ARHGEF10L: variants seen among roughly 807,000 people sequenced by gnomAD.
ARHGEF10L encodes the protein rho guanine nucleotide exchange factor 10-like protein.
In ARHGEF10L, 69 loss-of-function variants were observed where a neutral mutation model predicts 141.2. The observed-to-expected ratio is 0.49, with a 90% CI of 0.40 to 0.60. ARHGEF10L has a LOEUF of 0.60. ARHGEF10L is among the 20% of genes least tolerant of loss of function. The pLI is 0.00. For synonymous variants in ARHGEF10L, 711 were observed against 718.5 expected, an observed-to-expected ratio of 0.99 and a Z score of 0.17; for missense variants, 1,482 against 1,734.3, an observed-to-expected ratio of 0.85 and a Z score of 2.58.
chr1:17,653,522 G>A (rs559579449), intron 22 of ARHGEF10L, among the ~76,000 whole-genome samples: 6 of 152,338 alleles, frequency 3.9e-5, no homozygotes, highest in African/African-American at 7.2e-5. Flanking sequence ...CATCAGCCCA[G>A]CAGAAAGGGC....
chr1:17,647,538 T>A (rs2061673647), intron 21 of ARHGEF10L, among the ~76,000 whole-genome samples: 1 of 152,194 alleles, frequency 6.6e-6, no homozygotes, highest in Non-Finnish European at 1.5e-5. Flanking sequence ...CCCTCCTTCC[T>A]TTTATTCATT....
At chr1:17,535,332 T>C (rs139153667), upstream of ARHGEF10L, among the ~76,000 whole-genome samples, 183 of 152,258 alleles carry the variant, frequency 1.2e-3, no homozygotes, top group Middle Eastern at 3.4e-3. Flanking sequence ...TGGCTATACA[T>C]AGAGATGAAG....
intron 9 of ARHGEF10L, chr1:17,618,299 C>A: frequency 6.8e-7 from 1 of 1,481,136 alleles, no homozygotes; most frequent in Non-Finnish European, 9.0e-7. Context: ...TGAAGTGACC[C>A]TCCCTGCAGA....
chr1:17,546,800 G>A (rs1327143845), intron 1 of ARHGEF10L, among the ~76,000 whole-genome samples: 4 of 152,182 alleles, frequency 2.6e-5, no homozygotes, highest in African/African-American at 4.8e-5. Context: ...GTACCCACAC[G>A]GGCTCCCTAG....
At chr1:17,693,639 C>A (rs1234101578) in intron 27 of ARHGEF10L, among the ~76,000 whole-genome samples, 1 of 152,184 alleles carries the variant, frequency 6.6e-6, no homozygotes. Context: ...CCTCTTTGAG[C>A]CTTAACATCC....
At chr1:17,520,663 A>G in the ARHGEF10L span, among the ~76,000 whole-genome samples, 3 of 152,116 alleles carry the variant, frequency 2.0e-5, no homozygotes, top group Non-Finnish European at 4.4e-5. Flanking sequence ...GGGTGCCTCT[A>G]TGGGTGTGAC....
chr1:17,633,218 T>C (rs2060806427), intron 16 of ARHGEF10L, among the ~76,000 whole-genome samples: 1 of 152,252 alleles, frequency 6.6e-6, no homozygotes. Context: ...CCAGCTCACC[T>C]GCTCGCATCC....
At position 17,651,439 on chromosome 1, in the gene ARHGEF10L, A is replaced by G. The variant is rs185934305; in HGVS notation, c.2394+2764A>G. The stretch of plus-strand genomic sequence containing the variant: ...CAGCTTGGCCTTAGCGCATCCCTGC[A>G]GAAGGCTGGCCCTGGGTGACTTTAT... On this transcript the variant is annotated intron_variant, in intron 22 of 28. Coordinates refer to ENST00000361221, the MANE Select transcript of ARHGEF10L (RefSeq NM_018125.4). 5.9e-3 allele frequency among the ~76,000 whole-genome samples: 897 copies of G among 152,310 alleles called. 9 individuals are homozygous for G. Among genetic ancestry groups the G allele is most frequent in the African/African-American group, 0.02 (839 of 41,576 alleles).
chr1:17,640,085 G>T, intron 20 of ARHGEF10L, 117 bp from the exon 21 acceptor site: 1 of 1,497,812 alleles, frequency 6.7e-7, no homozygotes, highest in South Asian at 1.3e-5. Flanking sequence ...GGGATGCTCT[G>T]ACCAGACCTC....
At chr1:17,536,164 C>T (rs566433720), upstream of ARHGEF10L, among the ~76,000 whole-genome samples, 3 of 152,296 alleles carry the variant, frequency 2.0e-5, no homozygotes, top group East Asian at 5.8e-4. Flanking sequence ...CCTGTGCATT[C>T]ATTTGTGCTG....
intron 2 of ARHGEF10L, among the ~76,000 whole-genome samples, chr1:17,582,468 C>T (rs34984825): frequency 0.02 from 3,104 of 152,296 alleles, 50 homozygotes; most frequent in East Asian, 0.065. Flanking sequence ...ATTACCTTCC[C>T]AAATTAAATT....
intron 26 of ARHGEF10L, among the ~76,000 whole-genome samples, chr1:17,671,689 G>A (rs370514424): frequency 2.0e-5 from 3 of 152,178 alleles, no homozygotes; most frequent in East Asian, 1.9e-4. Flanking sequence ...CATTAGACCC[G>A]GGCTTCCCAT....
intron 21 of ARHGEF10L, among the ~76,000 whole-genome samples, chr1:17,648,167 C>T (rs1315107682): frequency 6.6e-6 from 1 of 152,208 alleles, no homozygotes; most frequent in Non-Finnish European, 1.5e-5. Flanking sequence ...CTCTGTTCAG[C>T]ATCTTAACAT....
intron 22 of ARHGEF10L, among the ~76,000 whole-genome samples, chr1:17,649,961 G>A (rs2061820300): frequency 6.6e-6 from 1 of 152,218 alleles, no homozygotes. Context: ...GACCACGCCA[G>A]CCTTGCAGGC....
chr1:17,662,764 G>C (rs79040802), intron 25 of ARHGEF10L, among the ~76,000 whole-genome samples: 2 of 152,114 alleles, frequency 1.3e-5, no homozygotes, highest in Non-Finnish European at 2.9e-5. Context: ...CTTCCATCAC[G>C]TACCCTGGGG....
In ARHGEF10L at chr1:17,599,357, A is replaced by G. The variant is rs537860063; in HGVS notation, c.258-2770A>G. 1.1e-3 allele frequency among the ~76,000 whole-genome samples: 171 copies of G among 152,146 alleles called. 1 individual carries two copies. Among genetic ancestry groups the G allele is most frequent in the African/African-American group, 4.0e-3 (164 of 41,518 alleles). ...AAAAAAAAAAAAAGAAAAAGAAAAA[A>G]AAAACGTGCAATTACATGTAAAGCA... On this transcript the variant is annotated intron_variant, in intron 4 of 28. Coordinates refer to ENST00000361221, the MANE Select transcript of ARHGEF10L (RefSeq NM_018125.4).
chr1:17,645,035 C>G (rs1359238284), intron 21 of ARHGEF10L, among the ~76,000 whole-genome samples: 1 of 152,134 alleles, frequency 6.6e-6, no homozygotes, highest in Non-Finnish European at 1.5e-5. Flanking sequence ...GGGGATTGTT[C>G]TGAGGGTAGC....
At chr1:17,598,889 T>G (rs2100872188) in intron 4 of ARHGEF10L, among the ~76,000 whole-genome samples, 1 of 152,200 alleles carries the variant, frequency 6.6e-6, no homozygotes. Flanking sequence ...TTCCAGGTGG[T>G]CTGGTTGAAA....
In ARHGEF10L at chr1:17,697,298, C is replaced by T; in HGVS notation, c.3758C>T (p.Ala1253Val). Residue 1253 changes from alanine to valine, a missense_variant, in exon 29 of 29, where the codon GCT becomes GTT. Physicochemically the swap from Ala to Val is moderately conservative, Grantham distance 64 (BLOSUM62 0). Transcript: ENST00000361221. This position sits in a 1 kb window ranked among gnomAD's most constrained non-coding sequence, Gnocchi z 4.8. ...GGQGYRNFGS[A>V]LGSSGRQAPC... ...CAGGGCTACCGCAACTTTGGCAGCG[C>T]TCTGGGCAGCAGTGGGAGGCAGGCC... 1 of 1,612,724 alleles carries T rather than the reference C, an allele frequency of 6.2e-7. No individual in the cohort carries two copies. The highest frequency in any genetic ancestry group is 1.3e-5 in the African/African-American group (1 of 75,082).
Sources: gnomAD v4.1 joint callset for allele counts (sites outside exome capture counted in the v4.1 genomes callset) on GRCh38, gnomAD v4.1.1 for gene constraint, Gnocchi (gnomAD v3.1) non-coding constraint, MANE v1.5 for transcripts, NCBI Gene and HGNC (gene_info 2026-07-23, HGNC 2026-07-21) for gene names.